Variants in WWOX observed in about 807,000 individuals in gnomAD.
The protein encoded by WWOX is WW domain-containing oxidoreductase.
In WWOX, 69 loss-of-function variants were observed where a neutral mutation model predicts 46.2. The ratio of observed to expected loss-of-function variants is 1.49; its 90% CI spans 1.23 to 1.82. WWOX has a LOEUF of 1.82. Ranked by LOEUF, WWOX falls within the 40% of genes most tolerant of loss-of-function variation. The pLI, the probability that WWOX is intolerant of heterozygous loss-of-function variation, is 0.00. For synonymous variants in WWOX, 359 were observed against 202.6 expected, an observed-to-expected ratio of 1.77 and a Z score of -6.56; for missense variants, 919 against 542.6, an observed-to-expected ratio of 1.69 and a Z score of -6.89.
At chr16:78,399,794 C>T (rs1469454924) in intron 6 of WWOX, among the ~76,000 whole-genome samples, 1 of 152,188 alleles carries the variant, frequency 6.6e-6, no homozygotes, top group Non-Finnish European at 1.5e-5. Flanking sequence ...TCTACACTTA[C>T]ATAATTGACA....
At chr16:78,754,482 TC>T (rs1377617362) in intron 8 of WWOX, among the ~76,000 whole-genome samples, 11 of 152,332 alleles carry the variant, frequency 7.2e-5, no homozygotes, top group African/African-American at 2.4e-4. Flanking sequence ...CCTACCGCTT[TC>T]TTTTCCTCAC....
chr16:78,885,924 A>AT (rs376409155), intron 8 of WWOX, among the ~76,000 whole-genome samples: 4,293 of 135,688 alleles, frequency 0.032, 149 homozygotes, highest in Admixed American at 0.093. Context: ...TGGGGATGGA[A>AT]TTTTTTTTTT....
At chr16:79,100,082 C>T (rs988068609) in intron 8 of WWOX, among the ~76,000 whole-genome samples, 4 of 152,198 alleles carry the variant, frequency 2.6e-5, no homozygotes, top group African/African-American at 9.7e-5. Flanking sequence ...CTAAGATTAT[C>T]TCCCTTCCTA....
intron 8 of WWOX, among the ~76,000 whole-genome samples, chr16:78,758,216 A>G (rs550333294): frequency 7.2e-5 from 11 of 152,344 alleles, no homozygotes; most frequent in African/African-American, 2.4e-4. Context: ...ATAAACCTAT[A>G]TACAAAGAAA....
intron 8 of WWOX, among the ~76,000 whole-genome samples, chr16:78,702,124 T>TGTA (rs777394763): frequency 2.3e-4 from 24 of 105,550 alleles, no homozygotes; most frequent in Admixed American, 2.0e-3. Flanking sequence ...ATATATATAT[T>TGTA]TATTTATTTT....
Position 78,797,695 on chromosome 16 carries a change from A to G in WWOX, c.1056+364943A>G, listed in dbSNP as rs148342060. Among the ~76,000 whole-genome samples, 108 of 152,326 alleles carry G rather than the reference A, an allele frequency of 7.1e-4. 2 individuals carry two copies. Among genetic ancestry groups the G allele is most frequent in the African/African-American group, 2.5e-3 (102 of 41,564 alleles). On this transcript the variant is annotated intron_variant, in intron 8 of 8. Coordinates refer to ENST00000566780, the MANE Select transcript of WWOX (RefSeq NM_016373.4). ...TATCCCAGAAAAATCTCCAGGCAAAAATCCACTGGAGGCCAGGTGCGTTAG... is the reference window on the plus strand; with the variant it reads ...TATCCCAGAAAAATCTCCAGGCAAAGATCCACTGGAGGCCAGGTGCGTTAG...
At chr16:78,882,205 T>G (rs180770146) in intron 8 of WWOX, among the ~76,000 whole-genome samples, 35 of 152,368 alleles carry the variant, frequency 2.3e-4, no homozygotes, top group Non-Finnish European at 4.3e-4. Flanking sequence ...ATAAGTGTCA[T>G]AAAGCCAATA....
chr16:78,869,028 G>A (rs143514273), intron 8 of WWOX, among the ~76,000 whole-genome samples: 1 of 152,190 alleles, frequency 6.6e-6, no homozygotes, highest in East Asian at 1.9e-4. Flanking sequence ...TTTAAAGGAA[G>A]AAAATAAAAA....
chr16:78,370,980 C>CTTTTTTTTTTTTTTTTTTTT, intron 5 of WWOX, among the ~76,000 whole-genome samples: 1 of 134,394 alleles, frequency 7.4e-6, no homozygotes, highest in South Asian at 2.4e-4. Context: ...GTTGTGATTT[C>CTTTTTTTTTTTTTTTTTTTT]TTTTTTTTTT....
At chr16:78,270,505 G>C (rs983224059) in intron 5 of WWOX, 3 of 152,190 alleles carry the variant, frequency 2.0e-5, no homozygotes, top group African/African-American at 7.2e-5. Flanking sequence ...CATCTACCGG[G>C]CTGTTCCACA....
intron 8 of WWOX, among the ~76,000 whole-genome samples, chr16:78,659,613 G>C (rs12599543): frequency 0.22 from 33,672 of 152,084 alleles, 3,837 homozygotes; most frequent in Non-Finnish European, 0.23. Flanking sequence ...GCTTTGCAAA[G>C]CACTGTACTA....
intron 8 of WWOX, among the ~76,000 whole-genome samples, chr16:78,980,173 C>G (rs187834230): frequency 1.3e-5 from 2 of 152,286 alleles, no homozygotes; most frequent in Admixed American, 6.5e-5. Context: ...CTCCAACTCC[C>G]ACCCCAAATC....
chr16:78,251,220 T>C lies in WWOX; in HGVS notation c.516+86931T>C, dbSNP rs553677045. On this transcript the variant is annotated intron_variant, in intron 5 of 8. Coordinates refer to ENST00000566780, the MANE Select transcript of WWOX (RefSeq NM_016373.4). Reference sequence around the variant, plus strand: ...CTGTTAGGAGGAGGAGGAAGCCTACTTTTGTTTTTTACCCAGTTTCTGTTC... The same window carrying C: ...CTGTTAGGAGGAGGAGGAAGCCTACCTTTGTTTTTTACCCAGTTTCTGTTC... 2.0e-5 allele frequency among the ~76,000 whole-genome samples: 3 copies of C among 152,302 alleles called. No homozygotes were observed. The East Asian group carries it at 5.8e-4, about 29-fold the overall frequency.
At chr16:78,968,909 G>C (rs565475447) in intron 8 of WWOX, among the ~76,000 whole-genome samples, 1 of 122,306 alleles carries the variant, frequency 8.2e-6, no homozygotes, top group East Asian at 2.3e-4. Flanking sequence ...GGAGAAGGCA[G>C]TTTCTTAAAG....
At chr16:78,108,688 G>A (rs1040030909) in intron 2 of WWOX, among the ~76,000 whole-genome samples, 16 of 152,158 alleles carry the variant, frequency 1.1e-4, no homozygotes, top group Non-Finnish European at 2.4e-4. Context: ...TTTCTTACTG[G>A]TCTTAAAGTA....
chr16:78,522,901 G>A (rs1411205939), intron 8 of WWOX, among the ~76,000 whole-genome samples: 3 of 152,086 alleles, frequency 2.0e-5, no homozygotes, highest in Non-Finnish European at 2.9e-5. Context: ...GTAAAATCCC[G>A]TCTCCACTAA....
At chr16:78,637,309 G>C (rs2046595860) in intron 8 of WWOX, among the ~76,000 whole-genome samples, 1 of 152,032 alleles carries the variant, frequency 6.6e-6, no homozygotes, top group Non-Finnish European at 1.5e-5. Context: ...GGGCATGGTG[G>C]TGGGGACCTA....
chr16:78,919,457 C>T (rs1024832669), intron 8 of WWOX, among the ~76,000 whole-genome samples: 1 of 151,916 alleles, frequency 6.6e-6, no homozygotes, highest in Non-Finnish European at 1.5e-5. Flanking sequence ...GCCATCACTA[C>T]CTTCTAACAG....
At chr16:79,120,607 C>T (rs753882361) in intron 8 of WWOX, among the ~76,000 whole-genome samples, 4 of 152,196 alleles carry the variant, frequency 2.6e-5, no homozygotes, top group Admixed American at 1.3e-4. Flanking sequence ...CTGAAATTGA[C>T]ACTGCTTCTG....
Sources: allele counts gnomAD v4.1 joint callset (sites outside exome capture counted in the v4.1 genomes callset), GRCh38; gene constraint gnomAD v4.1.1; transcripts MANE v1.5; gene names NCBI Gene and HGNC (gene_info 2026-07-23, HGNC 2026-07-21).